The following CCNC variants were observed in gnomAD, a reference collection of about 807,000 sequenced individuals.
CCNC encodes the protein cyclin C.
In CCNC, 19 loss-of-function variants were observed where a neutral mutation model predicts 50.0. That is an observed-to-expected ratio of 0.38 (90% CI 0.27 to 0.56). The LOEUF (loss-of-function observed/expected upper bound fraction) is 0.56, where lower values mean the gene tolerates loss of function less well. Ranked by LOEUF, CCNC falls within the 20% of genes least tolerant of loss-of-function variation. The probability of loss-of-function intolerance (pLI) is 0.72; values close to 1 mark genes in which losing one functional copy is unlikely to be tolerated. For synonymous variants in CCNC, 93 were observed against 103.7 expected (o/e 0.90, Z 0.63); for missense variants, 200 against 327.1 (o/e 0.61, Z 3.00).
At chr6:99,559,210 T>A (rs1472255334) in intron 4 of CCNC, among the ~76,000 whole-genome samples, 1 of 149,788 alleles carries the variant, frequency 6.7e-6, no homozygotes, top group Non-Finnish European at 1.5e-5. Context: ...AAAAAAACCA[T>A]ATAAATAGTT....
intron 5 of CCNC, among the ~76,000 whole-genome samples, chr6:99,552,875 C>A (rs1802359358): frequency 6.6e-6 from 1 of 152,084 alleles, no homozygotes; most frequent in South Asian, 2.1e-4. Flanking sequence ...AACCCCATCT[C>A]TACTAAAAAT....
intron 1 of CCNC, among the ~76,000 whole-genome samples, chr6:99,566,329 TC>T (rs1769121750): frequency 6.6e-6 from 1 of 152,026 alleles, no homozygotes; most frequent in African/African-American, 2.4e-5. Flanking sequence ...ATAGAATATT[TC>T]TATTATCTCT....
At chr6:99,549,338 C>A in intron 9 of CCNC, 170 bp downstream of exon 9, 2 of 650,744 alleles carry the variant, frequency 3.1e-6, no homozygotes, top group Non-Finnish European at 5.5e-6. Context: ...GAATAATAAT[C>A]CTGATTTATG....
chr6:99,568,203 G>T, intron 1 of CCNC: 1 of 473,848 alleles, frequency 2.1e-6, no homozygotes, highest in Non-Finnish European at 3.9e-6. Context: ...CCGACCCCCC[G>T]CGGCCTAGCT....
intron 9 of CCNC, among the ~76,000 whole-genome samples, chr6:99,548,074 G>A (rs533970841): frequency 1.3e-5 from 2 of 152,298 alleles, no homozygotes; most frequent in South Asian, 2.1e-4. Flanking sequence ...CTCATCATGA[G>A]TCTGAGGTGC....
chr6:99,555,215 T>G (rs1054170559), intron 5 of CCNC, among the ~76,000 whole-genome samples: 1 of 152,214 alleles, frequency 6.6e-6, no homozygotes, highest in Non-Finnish European at 1.5e-5. Context: ...CCAAAGCTAC[T>G]TATGTCAACA....
At chr6:99,558,578 C>T (rs1441698838) in intron 4 of CCNC, 30 bp from the exon 5 acceptor site, 2 of 1,578,182 alleles carry the variant, frequency 1.3e-6, no homozygotes, top group East Asian at 2.3e-5. Context: ...TACATGTTAA[C>T]CCAATGAATC....
At chr6:99,544,232 G>C in intron 11 of CCNC, 2 of 1,534,740 alleles carry the variant, frequency 1.3e-6, no homozygotes, top group Non-Finnish European at 1.7e-6. Flanking sequence ...TCATCTTGCA[G>C]CTTCAGGCCC....
chr6:99,543,717 A>C, intron 11 of CCNC, 108 bp from the exon 12 acceptor site: 8 of 1,536,826 alleles, frequency 5.2e-6, no homozygotes, highest in Non-Finnish European at 7.0e-6. Context: ...ACAACTATAC[A>C]AAACAAAGAC....
chr6:99,546,864 T>C (rs1440544138), intron 9 of CCNC, among the ~76,000 whole-genome samples: 2 of 152,204 alleles, frequency 1.3e-5, no homozygotes, highest in East Asian at 3.9e-4. Context: ...TTAATTAATA[T>C]ACTAGGTTTT....
At chr6:99,567,420 C>CAA (rs1050749622) in intron 1 of CCNC, among the ~76,000 whole-genome samples, 1 of 83,596 alleles carries the variant, frequency 1.2e-5, no homozygotes, top group Admixed American at 1.2e-4. Context: ...CACACACACA[C>CAA]ATATATATAC....
chr6:99,554,180 G>T (rs1802422240), intron 5 of CCNC, among the ~76,000 whole-genome samples: 1 of 151,744 alleles, frequency 6.6e-6, no homozygotes. Flanking sequence ...CATTAGACTA[G>T]AGAAAATGGG....
At chr6:99,557,546 C>T (rs1321236350) in intron 5 of CCNC, 3 of 152,084 alleles carry the variant, frequency 2.0e-5, no homozygotes, top group African/African-American at 7.3e-5. Context: ...GTGGCTCACA[C>T]CTATAATCCC....
At chr6:99,564,683 A>G (rs1769043511) in intron 1 of CCNC, among the ~76,000 whole-genome samples, 1 of 152,108 alleles carries the variant, frequency 6.6e-6, no homozygotes, top group Non-Finnish European at 1.5e-5. Context: ...TAGTATAAAT[A>G]ATAAATCATT....
At chr6:99,548,123 G>C (rs1176134280) in intron 9 of CCNC, among the ~76,000 whole-genome samples, 1 of 152,152 alleles carries the variant, frequency 6.6e-6, no homozygotes, top group Admixed American at 6.6e-5. Context: ...AAGGAAGATG[G>C]ATATAAAGAA....
intron 1 of CCNC, 110 bp downstream of exon 1, chr6:99,568,386 A>AC (rs1360724048): frequency 5.5e-5 from 59 of 1,063,384 alleles, no homozygotes; most frequent in Non-Finnish European, 7.9e-5. Context: ...TCCCGTGAGG[A>AC]CCCCGGCACT....
chr6:99,555,993 C>A (rs1802495120), intron 5 of CCNC, among the ~76,000 whole-genome samples: 2 of 62,700 alleles, frequency 3.2e-5, no homozygotes, highest in Admixed American at 1.8e-4. Context: ...TCGCTCAAAT[C>A]TGGCTTGTTT....
intron 1 of CCNC, among the ~76,000 whole-genome samples, chr6:99,563,243 C>T (rs6930142): frequency 0.25 from 37,441 of 151,936 alleles, 5,230 homozygotes; most frequent in East Asian, 0.5. Flanking sequence ...GTGATGCCTT[C>T]GTGTTTTAAT....
chr6:99,555,982 A>G (rs1387586989), intron 5 of CCNC, among the ~76,000 whole-genome samples: 2 of 129,320 alleles, frequency 1.5e-5, no homozygotes, highest in African/African-American at 6.2e-5. Flanking sequence ...TGCTGACTCT[A>G]TCGCTCAAAT....
Sources: allele counts gnomAD v4.1 joint callset (sites outside exome capture counted in the v4.1 genomes callset), GRCh38; gene constraint gnomAD v4.1.1; transcripts MANE v1.5; gene names NCBI Gene and HGNC (gene_info 2026-07-23, HGNC 2026-07-21).